The following PTK2 variants were observed in gnomAD, a reference collection of about 807,000 sequenced individuals.
The protein encoded by PTK2 is focal adhesion kinase 1.
In PTK2, 45 loss-of-function variants were observed where a neutral mutation model predicts 150.1. The observed-to-expected ratio is 0.30, with a 90% CI of 0.24 to 0.38. The LOEUF (loss-of-function observed/expected upper bound fraction) is 0.38. PTK2 is among the 10% of genes least tolerant of loss of function. The probability of loss-of-function intolerance (pLI) is 1.00; values close to 1 mark genes in which losing one functional copy is unlikely to be tolerated. For missense variants in PTK2, 919 were observed against 1,307.3 expected (o/e 0.70, Z 4.58); for synonymous variants, 432 against 449.2 (o/e 0.96, Z 0.48).
chr8:140,702,040 A>C (rs1318477282), intron 25 of PTK2, among the ~76,000 whole-genome samples: 1 of 141,530 alleles, frequency 7.1e-6, no homozygotes, highest in Non-Finnish European at 1.5e-5. Flanking sequence ...AGGCGGGAGA[A>C]TTGCTTGAAC....
intron 26 of PTK2, among the ~76,000 whole-genome samples, chr8:140,695,398 G>A (rs904766027): frequency 1.1e-4 from 16 of 151,146 alleles, no homozygotes; most frequent in South Asian, 2.1e-4. Flanking sequence ...AGCAAGCAAC[G>A]CTAAGGTGGT....
At chr8:140,744,882 A>G (rs1195627047) in intron 18 of PTK2, 115 bp from the exon 22 acceptor site, 9 of 522,880 alleles carry the variant, frequency 1.7e-5, no homozygotes, top group Admixed American at 9.7e-5. Context: ...TGCATTTTTA[A>G]TAATATTAGA....
intron 31 of PTK2, among the ~76,000 whole-genome samples, chr8:140,661,252 G>A (rs2079431438): frequency 6.6e-6 from 1 of 152,240 alleles, no homozygotes; most frequent in African/African-American, 2.4e-5. Flanking sequence ...GATGGCTCTT[G>A]GCGGCAATGT....
At chr8:140,914,463 G>A (rs887262976) in intron 2 of PTK2, among the ~76,000 whole-genome samples, 17 of 151,400 alleles carry the variant, frequency 1.1e-4, no homozygotes, top group Non-Finnish European at 2.2e-4. Context: ...GGGTACACAT[G>A]AAGGTTTGTT....
At chr8:140,826,164 A>G (rs1013450382) in intron 8 of PTK2, among the ~76,000 whole-genome samples, 4 of 152,232 alleles carry the variant, frequency 2.6e-5, no homozygotes, top group Admixed American at 6.5e-5. Flanking sequence ...GGAAAAGCCA[A>G]TGTTAACTGA....
chr8:140,695,630 G>T (rs904815360), intron 26 of PTK2, among the ~76,000 whole-genome samples: 24 of 152,048 alleles, frequency 1.6e-4, no homozygotes, highest in African/African-American at 5.6e-4. Flanking sequence ...TTGAACTCCT[G>T]ACCTCAGATG....
At chr8:140,804,077 T>C (rs983680728) in intron 10 of PTK2, among the ~76,000 whole-genome samples, 1 of 152,164 alleles carries the variant, frequency 6.6e-6, no homozygotes, top group Non-Finnish European at 1.5e-5. Context: ...CCATGCACCC[T>C]GGGCTAGAGT....
At chr8:140,997,030 G>C (rs1466290164) in intron 1 of PTK2, among the ~76,000 whole-genome samples, 1 of 152,232 alleles carries the variant, frequency 6.6e-6, no homozygotes, top group Non-Finnish European at 1.5e-5. Flanking sequence ...ACACATTGGA[G>C]GAGGTGAAAA....
chr8:140,920,950 A>G (rs917377289), intron 2 of PTK2: 10 of 1,451,812 alleles, frequency 6.9e-6, no homozygotes, highest in Non-Finnish European at 9.0e-6. Flanking sequence ...AGGAGTCTGC[A>G]CACAAAGTCC....
At chr8:140,807,395 C>G (rs1338138680) in intron 10 of PTK2, among the ~76,000 whole-genome samples, 1 of 152,172 alleles carries the variant, frequency 6.6e-6, no homozygotes, top group Non-Finnish European at 1.5e-5. Context: ...CAGTACTGCA[C>G]CAGCAGAATC....
At chr8:140,996,125 T>A (rs149669267) in intron 1 of PTK2, among the ~76,000 whole-genome samples, 29 of 152,298 alleles carry the variant, frequency 1.9e-4, no homozygotes, top group African/African-American at 6.5e-4. Context: ...AGCCTTATTG[T>A]TGATATGGAG....
intron 7 of PTK2, 123 bp from the exon 8 acceptor site, chr8:140,830,649 C>G: frequency 3.4e-6 from 2 of 588,222 alleles, no homozygotes; most frequent in East Asian, 3.4e-5. Flanking sequence ...AGGAAGGAAA[C>G]AAGTATAATA....
intron 8 of PTK2, among the ~76,000 whole-genome samples, chr8:140,826,569 C>A (rs1363889974): frequency 6.6e-6 from 1 of 152,178 alleles, no homozygotes; most frequent in East Asian, 1.9e-4. Flanking sequence ...AAAATTAATT[C>A]TATTTACATC....
chr8:140,666,712 T>G (rs1307725575), intron 30 of PTK2, among the ~76,000 whole-genome samples: 1 of 152,178 alleles, frequency 6.6e-6, no homozygotes, highest in South Asian at 2.1e-4. Context: ...AAAAACAGAA[T>G]GGTGGCTCCT....
intron 1 of PTK2, among the ~76,000 whole-genome samples, chr8:140,933,343 T>C (rs562016503): frequency 3.3e-5 from 5 of 152,300 alleles, no homozygotes; most frequent in African/African-American, 1.2e-4. Flanking sequence ...GCTAAAAAAC[T>C]TCAAAACCAC....
At chr8:140,927,267 TACAC>T (rs2100169814) in intron 1 of PTK2, 1 of 152,236 alleles carries the variant, frequency 6.6e-6, no homozygotes, top group South Asian at 2.1e-4. Flanking sequence ...AAAATGTATA[TACAC>T]ACATGCAACT....
At chr8:140,759,530 T>TAAAAAAAAAAAAA (rs761643170) in intron 16 of PTK2, among the ~76,000 whole-genome samples, 7 of 58,060 alleles carry the variant, frequency 1.2e-4, no homozygotes, top group African/African-American at 4.7e-4. Flanking sequence ...GACCCTGTCC[T>TAAAAAAAAAAAAA]AAAAAAAAAA....
chr8:140,979,219 C>A (rs556100162), intron 1 of PTK2, among the ~76,000 whole-genome samples: 95 of 150,960 alleles, frequency 6.3e-4, no homozygotes, highest in African/African-American at 2.1e-3. Flanking sequence ...ATGTAACAAA[C>A]CTGCACGTTG....
At chr8:140,776,257 C>T (rs1190725645) in intron 14 of PTK2, among the ~76,000 whole-genome samples, 2 of 152,224 alleles carry the variant, frequency 1.3e-5, no homozygotes, top group Non-Finnish European at 2.9e-5. Flanking sequence ...CCCGCCTCGG[C>T]CTCTCAAAGA....
Sources: allele counts gnomAD v4.1 joint callset (sites outside exome capture counted in the v4.1 genomes callset), GRCh38; gene constraint gnomAD v4.1.1; transcripts MANE v1.5; gene names NCBI Gene and HGNC (gene_info 2026-07-23, HGNC 2026-07-21).